KCNK5: variants seen among roughly 807,000 people sequenced by gnomAD.
The protein encoded by KCNK5 is potassium channel subfamily K member 5.
In KCNK5, 18 loss-of-function variants were observed where a neutral mutation model predicts 32.9. The ratio of observed to expected loss-of-function variants is 0.55; its 90% CI spans 0.38 to 0.81. The LOEUF (loss-of-function observed/expected upper bound fraction) is 0.81, where lower values mean the gene tolerates loss of function less well. KCNK5 is among the 30% of genes least tolerant of loss of function. KCNK5 has a pLI of 0.00. For synonymous variants in KCNK5, 276 were observed against 275.3 expected, an observed-to-expected ratio of 1.00 and a Z score of -0.03; for missense variants, 507 against 651.0, an observed-to-expected ratio of 0.78 and a Z score of 2.41.
rs1296808768 is a variant in KCNK5 at position 39,191,748 on chromosome 6, G to A, written c.642C>T (p.Asn214=). The change falls in exon 5 of 5, where the codon AAC becomes AAT. Residue 214 remains asparagine, a synonymous_variant. Transcript: ENST00000359534. The surrounding 1 kb of genome is among the most constrained non-coding windows in gnomAD (Gnocchi z 5.8). ...IGFGDFVAGV[N]PSANYHALYR... ...ACAGGGCGTGGTAGTTGGCGCTGGG[G>A]TTCACACCTGAGCGGACAGGCAGTC... 1 of 1,610,908 alleles carries A rather than the reference G, an allele frequency of 6.2e-7. No homozygotes were observed. Among genetic ancestry groups the A allele is most frequent in the Non-Finnish European group, 8.5e-7 (1 of 1,177,774 alleles).
Position 39,191,815 on chromosome 6 carries a change from T to C in KCNK5, c.635-60A>G, listed in dbSNP as rs1770944071. ...TTAGCAGGGCCCGGGAAATGTGCAATGGCCAATGCTGTGTGATCTGAGCAG... is the reference window on the plus strand; with the variant it reads ...TTAGCAGGGCCCGGGAAATGTGCAACGGCCAATGCTGTGTGATCTGAGCAG... On this transcript the variant is annotated intron_variant, in intron 4 of 4. Coordinates refer to ENST00000359534, the MANE Select transcript of KCNK5 (RefSeq NM_003740.4). The surrounding 1 kb of genome is among the most constrained non-coding windows in gnomAD (Gnocchi z 5.8). 1.4e-5 allele frequency: 22 copies of C among 1,545,394 alleles called. No individual in the cohort carries two copies. The highest frequency in any genetic ancestry group is 7.9e-6 in the Non-Finnish European group (9 of 1,136,888).
intron 1 of KCNK5, among the ~76,000 whole-genome samples, chr6:39,226,856 C>T (rs1583725308): frequency 6.6e-6 from 1 of 152,030 alleles, no homozygotes; most frequent in African/African-American, 2.4e-5. Flanking sequence ...TTTCTTTGGC[C>T]GGGGATGAGG....
chr6:39,214,567 C>T (rs12524735), intron 1 of KCNK5, among the ~76,000 whole-genome samples: 7,307 of 152,250 alleles, frequency 0.048, 214 homozygotes, highest in South Asian at 0.1. Flanking sequence ...GAGAGAAACA[C>T]GGCTTCATGG....
chr6:39,196,106 AG>A (rs1055510952), intron 1 of KCNK5, 119 bp from the exon 2 acceptor site: 11 of 624,554 alleles, frequency 1.8e-5, no homozygotes, highest in Admixed American at 3.1e-5. Flanking sequence ...AGAAGGTGGC[AG>A]TGTCTCCATG....
intron 1 of KCNK5, among the ~76,000 whole-genome samples, chr6:39,196,303 G>A (rs896938690): frequency 1.1e-4 from 17 of 152,146 alleles, no homozygotes; most frequent in Non-Finnish European, 1.5e-4. Flanking sequence ...CTACTACTCC[G>A]AGTTTCTGAT....
At chr6:39,228,682 A>G (rs949773784) in intron 1 of KCNK5, among the ~76,000 whole-genome samples, 1 of 151,838 alleles carries the variant, frequency 6.6e-6, no homozygotes, top group African/African-American at 2.4e-5. Flanking sequence ...CCGGGAATCA[A>G]CTCCAATTTG....
Position 39,196,016 on chromosome 6 carries a change from C to A in KCNK5, c.187-29G>T, listed in dbSNP as rs763337658. The A allele has an allele frequency of 1.2e-5, 19 of 1,523,966 alleles. No individual in the cohort carries two copies. In the Admixed American group the frequency reaches 1.8e-4, roughly 14 times the overall value. 94.4% of individuals were successfully genotyped at this position (1,523,966 alleles called of 1,614,324 possible). Reference sequence around the variant, plus strand: ...AAATGAGAAACAGTAAAGGTCAGAGCTGAGGCCACACTTAACAGATGCTGA... The same window carrying A: ...AAATGAGAAACAGTAAAGGTCAGAGATGAGGCCACACTTAACAGATGCTGA... On this transcript the variant is annotated intron_variant, in intron 1 of 4. Transcript: ENST00000359534.
At chr6:39,227,891 G>A (rs970232439) in intron 1 of KCNK5, among the ~76,000 whole-genome samples, 7 of 152,130 alleles carry the variant, frequency 4.6e-5, no homozygotes, top group Admixed American at 6.5e-5. Flanking sequence ...TTCACCCTGA[G>A]AGCAAGGTAA....
intron 1 of KCNK5, among the ~76,000 whole-genome samples, chr6:39,219,856 G>A (rs761314079): frequency 4.6e-5 from 7 of 152,234 alleles, no homozygotes; most frequent in Non-Finnish European, 7.3e-5. Context: ...CATGGCCACT[G>A]CCCACGAAGG....
rs1260967767 is a variant in KCNK5 at position 39,218,842 on chromosome 6, A to G, written c.186+10084T>C. 2.0e-5 allele frequency among the ~76,000 whole-genome samples: 3 copies of G among 152,214 alleles called. No individual in the cohort carries two copies. In the East Asian group the frequency reaches 5.8e-4, roughly 29 times the overall value. ...CAGTGTGGGCCTCCCCGCCAACTGC[A>G]CTTCTCAGAAGCCTCTGAAAATTAA... On this transcript the variant is annotated intron_variant, in intron 1 of 4. Coordinates refer to ENST00000359534, the MANE Select transcript of KCNK5 (RefSeq NM_003740.4).
rs145871036 is a variant in KCNK5, at chr6:39,191,548, C to T, written c.842G>A (p.Gly281Glu). ...PHSRKALQVKGSTASKDVNIF... is the reference protein window; with the variant it reads ...PHSRKALQVKESTASKDVNIF... ...GTTGACGTCCTTGGAGGCTGTGCTC[C>T]CCTTCACCTGCAGGGCCTTCCGGGA... Residue 281 changes from glycine to glutamate, a missense_variant, in exon 5 of 5, where the codon GGG (glycine) becomes GAG (glutamate). Gly to Glu is a moderately conservative substitution (Grantham distance 98). Coordinates refer to ENST00000359534, the MANE Select transcript of KCNK5 (RefSeq NM_003740.4). The surrounding 1 kb of genome is among the most constrained non-coding windows in gnomAD (Gnocchi z 5.8). 2.5e-6 allele frequency: 4 copies of T among 1,613,878 alleles called. No homozygotes were observed. Among genetic ancestry groups the T allele is most frequent in the African/African-American group, 1.3e-5 (1 of 74,912 alleles).
intron 1 of KCNK5, among the ~76,000 whole-genome samples, chr6:39,218,131 C>T (rs1461959307): frequency 2.1e-5 from 3 of 143,488 alleles, no homozygotes; most frequent in East Asian, 2.0e-4. Flanking sequence ...AGTGTAGAGG[C>T]GCGATTTTGG....
intron 1 of KCNK5, among the ~76,000 whole-genome samples, chr6:39,199,913 C>T (rs1212448256): frequency 2.0e-5 from 3 of 152,226 alleles, no homozygotes; most frequent in Non-Finnish European, 2.9e-5. Context: ...AAGCCAGGCT[C>T]AGGGAGCTGA....
At chr6:39,217,557 A>G (rs1224963860) in intron 1 of KCNK5, among the ~76,000 whole-genome samples, 2 of 151,622 alleles carry the variant, frequency 1.3e-5, no homozygotes, top group Non-Finnish European at 2.9e-5. Context: ...TACTTCCCCC[A>G]CCCCTGGTGA....
chr6:39,211,977 A>G (rs530560780), intron 1 of KCNK5, among the ~76,000 whole-genome samples: 11 of 152,046 alleles, frequency 7.2e-5, no homozygotes, highest in East Asian at 1.9e-4. Flanking sequence ...AAAGAAAAAA[A>G]GAAAAGAAAA....
Position 39,192,283 on chromosome 6 carries a change from C to CAAAAAAAAAAAAAAAAA in KCNK5, c.635-545_635-529dup, listed in dbSNP as rs1226626372. 4.3e-5 allele frequency among the ~76,000 whole-genome samples: 2 copies of CAAAAAAAAAAAAAAAAA among 46,720 alleles called. 1 individual carries two copies. Among genetic ancestry groups the CAAAAAAAAAAAAAAAAA allele is most frequent in the Non-Finnish European group, 6.9e-5 (2 of 29,122 alleles). The allele number at this position is 46,720 out of a possible 152,430, so 30.7% of individuals were successfully genotyped here. On this transcript the variant is annotated intron_variant, in intron 4 of 4. Transcript: ENST00000359534. ...TGGGCAGCAGACAGAGACTCCGTCT[C>CAAAAAAAAAAAAAAAAA]AAAAAAAAAAAAAAAAAAAAAAAAA...
intron 1 of KCNK5, among the ~76,000 whole-genome samples, chr6:39,197,249 T>A (rs1245484626): frequency 6.6e-6 from 1 of 151,372 alleles, no homozygotes; most frequent in Non-Finnish European, 1.5e-5. Context: ...ATGACTGAGG[T>A]TTGGTGGGAA....
chr6:39,200,413 C>T (rs1771117174), intron 1 of KCNK5, among the ~76,000 whole-genome samples: 1 of 151,996 alleles, frequency 6.6e-6, no homozygotes, highest in South Asian at 2.1e-4. Flanking sequence ...ATTTTATGTG[C>T]CTTTAGCTCA....
Position 39,189,496 on chromosome 6 carries a change from A to T in KCNK5, c.*1394T>A, listed in dbSNP as rs1157631480. 1 of 152,464 alleles carries T rather than the reference A, an allele frequency of 6.6e-6. No homozygotes were observed. Among genetic ancestry groups the T allele is most frequent in the Non-Finnish European group, 1.5e-5 (1 of 67,990 alleles). 9.4% of individuals were successfully genotyped at this position (152,464 alleles called of 1,614,324 possible). A position where few individuals can be genotyped will look rare whatever the true frequency, so the allele number is the denominator to read the frequency against. On this transcript the variant is annotated 3_prime_UTR_variant, in exon 5 of 5. Transcript: ENST00000359534. ...CCAATCCTTGGGACCCTGCTCTTTA[A>T]CCACTGGCTCTGAAGCCAACAACAG...
Sources: gnomAD v4.1 joint callset for allele counts (sites outside exome capture counted in the v4.1 genomes callset) on GRCh38, gnomAD v4.1.1 for gene constraint, Gnocchi (gnomAD v3.1) non-coding constraint, MANE v1.5 for transcripts, NCBI Gene and HGNC (gene_info 2026-07-23, HGNC 2026-07-21) for gene names.